UGT1A9: variants seen among roughly 807,000 people sequenced by gnomAD.
UGT1A9 encodes UDP glucuronosyltransferase family 1 member A9.
UGT1A9 carries 35 observed loss-of-function variants against 45.0 expected under a neutral mutation model. That is an observed-to-expected ratio of 0.78 (90% CI 0.59 to 1.03). The LOEUF (loss-of-function observed/expected upper bound fraction) is 1.03. UGT1A9 is among the 50% of genes least tolerant of loss of function. The pLI, the probability that UGT1A9 is intolerant of heterozygous loss-of-function variation, is 0.00. For missense variants in UGT1A9, 687 were observed against 666.6 expected, an observed-to-expected ratio of 1.03 and a Z score of -0.34; for synonymous variants, 278 against 250.6, an observed-to-expected ratio of 1.11 and a Z score of -1.03.
At chr2:233,673,160 G>C (rs1042017198) in intron 1 of UGT1A9, among the ~76,000 whole-genome samples, 1 of 152,050 alleles carries the variant, frequency 6.6e-6, no homozygotes, top group African/African-American at 2.4e-5. Flanking sequence ...TTTTAAAAAA[G>C]TACTTTAGGT....
intron 1 of UGT1A9, among the ~76,000 whole-genome samples, chr2:233,709,465 G>T (rs891183969): frequency 1.3e-5 from 2 of 152,060 alleles, no homozygotes; most frequent in African/African-American, 4.8e-5. Flanking sequence ...CAATCATTTT[G>T]GGGCTTATAA....
chr2:233,712,951 A>C, intron 1 of UGT1A9: 1 of 1,612,798 alleles, frequency 6.2e-7, no homozygotes, highest in Middle Eastern at 2.0e-4. Flanking sequence ...TAGGAGGCAC[A>C]ACGTGGGGTG....
intron 1 of UGT1A9, 29 bp from the exon 2 acceptor site, chr2:233,767,005 T>A: frequency 1.2e-6 from 2 of 1,613,726 alleles, no homozygotes; most frequent in Non-Finnish European, 1.7e-6. Flanking sequence ...TGAGAAAAAA[T>A]TAACTGAAAA....
intron 1 of UGT1A9, among the ~76,000 whole-genome samples, chr2:233,766,371 C>T (rs997095711): frequency 1.3e-5 from 2 of 152,154 alleles, no homozygotes; most frequent in Non-Finnish European, 2.9e-5. Context: ...TTGGTGAGTT[C>T]TTCTCAATGT....
chr2:233,673,892 A>G (rs1272294071), intron 1 of UGT1A9, among the ~76,000 whole-genome samples: 1 of 152,166 alleles, frequency 6.6e-6, no homozygotes, highest in African/African-American at 2.4e-5. Flanking sequence ...TATTTATACC[A>G]CTTATTTTGC....
chr2:233,735,492 A>G (rs997363481), intron 1 of UGT1A9, among the ~76,000 whole-genome samples: 3 of 152,118 alleles, frequency 2.0e-5, no homozygotes, highest in African/African-American at 7.2e-5. Flanking sequence ...TTTTAATTGC[A>G]GCATTTAGCC....
At chr2:233,755,225 C>G (rs563873154) in intron 1 of UGT1A9, 4 of 974,952 alleles carry the variant, frequency 4.1e-6, no homozygotes, top group Non-Finnish European at 6.0e-6. Flanking sequence ...TACCCTCGGA[C>G]GAGGCCTACC....
At chr2:233,682,335 T>A in intron 1 of UGT1A9, 1 of 1,614,168 alleles carries the variant, frequency 6.2e-7, no homozygotes. Context: ...GACCGAAAAT[T>A]AGTAGAATAC....
intron 1 of UGT1A9, among the ~76,000 whole-genome samples, chr2:233,748,979 CT>C (rs1333740168): frequency 1.3e-5 from 2 of 151,700 alleles, no homozygotes; most frequent in Non-Finnish European, 2.9e-5. Flanking sequence ...GGATCTACTT[CT>C]TTACCAACAA....
chr2:233,772,522 G>A lies in UGT1A9; in HGVS notation c.1556G>A (p.Gly519Glu). The A allele has an allele frequency of 6.2e-7, 1 of 1,614,168 alleles. No homozygotes were observed. Among genetic ancestry groups the A allele is most frequent in the Non-Finnish European group, 8.5e-7 (1 of 1,180,032 alleles). ...YGYRKCLGKK[G>E]RVKKAHKSKT... ...TACCGGAAATGCTTGGGGAAAAAAG[G>A]GCGAGTTAAGAAAGCCCACAAATCC... The change falls in exon 5 of 5, where the codon GGG becomes GAG. Residue 519 changes from glycine to glutamate, a missense_variant. Gly to Glu is a moderately conservative substitution (Grantham distance 98). Coordinates refer to ENST00000354728, the MANE Select transcript of UGT1A9 (RefSeq NM_021027.3).
chr2:233,755,076 T>C (rs28900391), intron 1 of UGT1A9: 18,622 of 1,334,942 alleles, frequency 0.014, 367 homozygotes, highest in South Asian at 0.045. Context: ...ATAGCGGTCA[T>C]AGATATCGCG....
intron 1 of UGT1A9, among the ~76,000 whole-genome samples, chr2:233,766,597 G>A (rs1228112720): frequency 6.6e-6 from 1 of 152,126 alleles, no homozygotes; most frequent in Non-Finnish European, 1.5e-5. Flanking sequence ...CCTCGCCAGG[G>A]ACCACACCCT....
At chr2:233,745,498 TCC>T (rs1294393562) in intron 1 of UGT1A9, among the ~76,000 whole-genome samples, 2 of 151,620 alleles carry the variant, frequency 1.3e-5, no homozygotes, top group Non-Finnish European at 2.9e-5. Flanking sequence ...TTCTAAGATT[TCC>T]TATAGGGTAT....
intron 1 of UGT1A9, among the ~76,000 whole-genome samples, chr2:233,737,102 G>T (rs992623703): frequency 6.6e-6 from 1 of 152,236 alleles, no homozygotes; most frequent in Non-Finnish European, 1.5e-5. Context: ...TAAGTCTGCT[G>T]TTCCCCACAT....
At chr2:233,743,996 C>T (rs76063448) in intron 1 of UGT1A9, 37,130 of 1,239,474 alleles carry the variant, frequency 0.03, 683 homozygotes, top group African/African-American at 0.05. Context: ...GGCCCGAGTG[C>T]TCGGAGACCT....
intron 1 of UGT1A9, among the ~76,000 whole-genome samples, chr2:233,699,368 G>A (rs1318815561): frequency 6.6e-6 from 1 of 152,136 alleles, no homozygotes; most frequent in African/African-American, 2.4e-5. Flanking sequence ...TATTGGTATG[G>A]CTAGATTTCA....
chr2:233,716,876 G>C (rs1278140723), intron 1 of UGT1A9, among the ~76,000 whole-genome samples: 4 of 152,084 alleles, frequency 2.6e-5, no homozygotes, highest in Non-Finnish European at 5.9e-5. Flanking sequence ...AAGTCTATCT[G>C]TGCAGCCCAG....
chr2:233,687,857 A>G (rs947298968), intron 1 of UGT1A9, among the ~76,000 whole-genome samples: 4 of 152,194 alleles, frequency 2.6e-5, no homozygotes, highest in African/African-American at 9.6e-5. Flanking sequence ...GCAGTAAGCC[A>G]TGACTATTCC....
chr2:233,741,535 C>T (rs1191111579), intron 1 of UGT1A9: 1 of 151,874 alleles, frequency 6.6e-6, no homozygotes, highest in East Asian at 1.9e-4. Context: ...CTGTCTTATT[C>T]TGATACTTCT....
Sources: gnomAD v4.1 joint callset for allele counts (sites outside exome capture counted in the v4.1 genomes callset) on GRCh38, gnomAD v4.1.1 for gene constraint, MANE v1.5 for transcripts, NCBI Gene and HGNC (gene_info 2026-07-23, HGNC 2026-07-21) for gene names.